The following CTSS variants were observed in gnomAD, a reference collection of about 807,000 sequenced individuals.
CTSS encodes cathepsin S.
A neutral mutation model predicts 39.9 loss-of-function variants in CTSS; 15 were observed. The observed-to-expected ratio is 0.38, with a 90% CI of 0.25 to 0.58. The LOEUF (loss-of-function observed/expected upper bound fraction) is 0.58, where lower values mean the gene tolerates loss of function less well. CTSS is among the 20% of genes least tolerant of loss of function. The pLI is 0.70. For missense variants in CTSS, 250 were observed against 398.2 expected, an observed-to-expected ratio of 0.63 and a Z score of 3.17; for synonymous variants, 126 against 138.2, an observed-to-expected ratio of 0.91 and a Z score of 0.62.
chr1:150,748,057 C>G, intron 6 of CTSS, 178 bp from the exon 7 acceptor site: 1 of 505,212 alleles, frequency 2.0e-6, no homozygotes, highest in Non-Finnish European at 3.5e-6. Context: ...TTTGGGAGGC[C>G]AAGGCGGGCG....
At chr1:150,743,297 A>G (rs978991846) in intron 7 of CTSS, among the ~76,000 whole-genome samples, 4 of 151,766 alleles carry the variant, frequency 2.6e-5, no homozygotes, top group Admixed American at 6.6e-5. Flanking sequence ...GAACAATTCC[A>G]TACATCTGGA....
chr1:150,741,901 T>C (rs1390094700), intron 7 of CTSS, among the ~76,000 whole-genome samples: 1 of 150,978 alleles, frequency 6.6e-6, no homozygotes, highest in African/African-American at 2.4e-5. Context: ...GGGAAGAATA[T>C]GAACATTTAA....
At chr1:150,745,967 T>C (rs1652886050) in intron 7 of CTSS, among the ~76,000 whole-genome samples, 1 of 152,220 alleles carries the variant, frequency 6.6e-6, no homozygotes, top group African/African-American at 2.4e-5. Context: ...GTGCTGTACC[T>C]TTGATTCCCA....
chr1:150,746,723 G>T (rs1041875635), intron 7 of CTSS, among the ~76,000 whole-genome samples: 1 of 152,140 alleles, frequency 6.6e-6, no homozygotes, highest in African/African-American at 2.4e-5. Context: ...CACAAACCAA[G>T]ATATGAAGGA....
chr1:150,737,554 T>G (rs1652661496), intron 7 of CTSS, among the ~76,000 whole-genome samples: 1 of 152,190 alleles, frequency 6.6e-6, no homozygotes, highest in Admixed American at 6.6e-5. Context: ...TCACCCTACC[T>G]TCTCCTTGCA....
chr1:150,756,141 A>T (rs142714223), intron 3 of CTSS, among the ~76,000 whole-genome samples: 65 of 152,192 alleles, frequency 4.3e-4, no homozygotes, highest in African/African-American at 1.4e-3. Flanking sequence ...TAAAATACAA[A>T]CACACACACA....
chr1:150,741,754 A>C (rs1199159165), intron 7 of CTSS, among the ~76,000 whole-genome samples: 2 of 151,950 alleles, frequency 1.3e-5, no homozygotes, highest in African/African-American at 4.8e-5. Flanking sequence ...GGGCACCTGT[A>C]ATCTCAGCTA....
intron 2 of CTSS, among the ~76,000 whole-genome samples, chr1:150,761,149 A>G (rs368083352): frequency 1.1e-4 from 16 of 146,034 alleles, no homozygotes; most frequent in African/African-American, 4.0e-4. Flanking sequence ...ACTGCACTCC[A>G]GCCTGGGCGA....
chr1:150,750,713 T>C (rs1652990656), intron 5 of CTSS, among the ~76,000 whole-genome samples: 1 of 152,202 alleles, frequency 6.6e-6, no homozygotes, highest in Non-Finnish European at 1.5e-5. Context: ...CATGGCTCAC[T>C]GCAGCCTCCA....
In CTSS at chr1:150,750,156, A is replaced by G. The variant is rs1336399550; in HGVS notation, c.643T>C (p.Tyr215His). 1 of 1,610,810 alleles carries G rather than the reference A, an allele frequency of 6.2e-7. No individual in the cohort carries two copies. The highest frequency in any genetic ancestry group is 8.5e-7 in the Non-Finnish European group (1 of 1,177,468). Reference protein sequence around the residue: ...PYKAMDQKCQYDSKYRAATCS... With the variant: ...PYKAMDQKCQHDSKYRAATCS... The stretch of plus-strand genomic sequence containing the variant: ...GTGGCAGCACGATATTTTGAGTCAT[A>G]TTGACATTTCTGATCCTGCAAAAAG... Residue 215 changes from tyrosine to histidine, a missense_variant, in exon 6 of 8, where the codon TAT (tyrosine) becomes CAT (histidine). By Grantham distance (83) the Tyr-to-His change is moderately conservative (BLOSUM62 2). Coordinates refer to ENST00000368985, the MANE Select transcript of CTSS (RefSeq NM_004079.5).
rs587737365 is a variant in CTSS at position 150,733,808 on chromosome 1, T to A, written c.897-663A>T. The stretch of plus-strand genomic sequence containing the variant: ...CAAGTCCCTGATTCTACAAAAAAAA[T>A]TTTTTTTTAATTAGCCAGGCATGGT... On this transcript the variant is annotated intron_variant, in intron 7 of 7. Coordinates refer to ENST00000368985, the MANE Select transcript of CTSS (RefSeq NM_004079.5). Among the ~76,000 whole-genome samples the A allele has an allele frequency of 1.6e-3, 237 of 151,088 alleles. 4 individuals are homozygous for A. Among genetic ancestry groups the A allele is most frequent in the South Asian group, 0.014 (68 of 4,762 alleles).
chr1:150,757,761 TTG>T (rs1653163997), intron 3 of CTSS, 95 bp downstream of exon 3: 11 of 1,278,976 alleles, frequency 8.6e-6, no homozygotes, highest in Non-Finnish European at 1.2e-5. Context: ...ATACATTCCT[TTG>T]TTATTGTTGT....
chr1:150,760,837 C>T (rs1409169707), intron 2 of CTSS, among the ~76,000 whole-genome samples: 3 of 150,370 alleles, frequency 2.0e-5, no homozygotes, highest in South Asian at 2.1e-4. Flanking sequence ...GCTATGATCA[C>T]ACCACTTCAC....
intron 2 of CTSS, among the ~76,000 whole-genome samples, chr1:150,759,497 A>C (rs1160288447): frequency 6.6e-6 from 1 of 152,008 alleles, no homozygotes; most frequent in Non-Finnish European, 1.5e-5. Context: ...TACTGATTCT[A>C]TCCAGCTCTT....
At chr1:150,751,506 C>A (rs1276816284) in intron 5 of CTSS, among the ~76,000 whole-genome samples, 2 of 152,120 alleles carry the variant, frequency 1.3e-5, no homozygotes, top group African/African-American at 4.8e-5. Flanking sequence ...CCTCGGCCTT[C>A]CAAAGTGCTG....
At chr1:150,734,349 G>A (rs1010710372) in intron 7 of CTSS, among the ~76,000 whole-genome samples, 2 of 151,442 alleles carry the variant, frequency 1.3e-5, no homozygotes, top group Non-Finnish European at 2.9e-5. Context: ...TTTTTAAAAA[G>A]CATACTATTG....
Position 150,732,974 on chromosome 1 carries a change from A to C in CTSS, c.*72T>G. ...ATCATGACACAATTATTTCTTCTGG[A>C]TACAGCAGGAAAAATTAAGTTAAGA... On this transcript the variant is annotated 3_prime_UTR_variant, in exon 8 of 8. Transcript: ENST00000368985. 1.9e-6 allele frequency: 2 copies of C among 1,028,460 alleles called. No homozygotes were observed. The highest frequency in any genetic ancestry group is 2.7e-5 in the South Asian group (2 of 73,572). 63.7% of individuals were successfully genotyped at this position (1,028,460 alleles called of 1,614,324 possible). A position where few individuals can be genotyped will look rare whatever the true frequency, so the allele number is the denominator to read the frequency against.
rs1261831011 is a variant in CTSS at position 150,730,332 on chromosome 1, G to A, written c.*2714C>T. 1.3e-5 allele frequency: 2 copies of A among 152,224 alleles called. No homozygotes were observed. The highest frequency in any genetic ancestry group is 2.9e-5 in the Non-Finnish European group (2 of 68,036). The allele number at this position is 152,224 out of a possible 1,614,324, so 9.4% of individuals were successfully genotyped here. A position where few individuals can be genotyped will look rare whatever the true frequency, so the allele number is the denominator to read the frequency against. On this transcript the variant is annotated 3_prime_UTR_variant, in exon 8 of 8. Transcript: ENST00000368985. ...GAAGAGCAGCCAGTGATGTAGAAAT[G>A]TCATAGGGCAAAGTGTGAACAAGCT...
chr1:150,751,893 G>A lies in CTSS; in HGVS notation c.515C>T (p.Thr172Ile). Reference sequence around the variant, plus strand: ...GCAGCCTTTGTTTCCATATTTTTCAGTTGAGCAATCCACCAGGTTCTGGGC... The same window carrying A: ...GCAGCCTTTGTTTCCATATTTTTCAATTGAGCAATCCACCAGGTTCTGGGC... ...LSAQNLVDCSTEKYGNKGCNG... is the reference protein window; with the variant it reads ...LSAQNLVDCSIEKYGNKGCNG... Residue 172 changes from threonine (T) to isoleucine (I), a missense_variant, in exon 5 of 8, where the codon ACT (threonine) becomes ATT (isoleucine). Thr to Ile is a moderately conservative substitution (Grantham distance 89). Transcript: ENST00000368985. The A allele has an allele frequency of 6.2e-7, 1 of 1,614,174 alleles. No individual in the cohort carries two copies. Among genetic ancestry groups the A allele is most frequent in the Non-Finnish European group, 8.5e-7 (1 of 1,180,038 alleles).
Sources: gnomAD v4.1 joint callset for allele counts (sites outside exome capture counted in the v4.1 genomes callset) on GRCh38, gnomAD v4.1.1 for gene constraint, MANE v1.5 for transcripts, NCBI Gene and HGNC (gene_info 2026-07-23, HGNC 2026-07-21) for gene names.